Variants in SLC3A1 observed in about 807,000 individuals in gnomAD.
SLC3A1 encodes the protein amino acid transporter heavy chain SLC3A1.
In SLC3A1, 78 loss-of-function variants were observed where a neutral mutation model predicts 60.3. The ratio of observed to expected loss-of-function variants is 1.29; its 90% confidence interval spans 1.08 to 1.56. The LOEUF (loss-of-function observed/expected upper bound fraction) is 1.56. Ranked by LOEUF, SLC3A1 falls within the 40% of genes most tolerant of loss-of-function variation. The pLI, the probability that SLC3A1 is intolerant of heterozygous loss-of-function variation, is 0.00. For missense variants in SLC3A1, 1,172 were observed against 858.9 expected, an observed-to-expected ratio of 1.36 and a Z score of -4.56; for synonymous variants, 392 against 307.9, an observed-to-expected ratio of 1.27 and a Z score of -2.86.
downstream of SLC3A1, chr2:44,321,783 T>C (rs765672123): frequency 3.7e-6 from 6 of 1,613,694 alleles, no homozygotes; most frequent in Admixed American, 6.7e-5. Flanking sequence ...ACAACATGTA[T>C]CTAGTTCGGG....
intron 9 of SLC3A1, chr2:44,318,025 A>C: frequency 2.5e-6 from 1 of 392,364 alleles, no homozygotes; most frequent in South Asian, 1.8e-5. Context: ...CTTTTGACCT[A>C]ATAATTCCAT....
chr2:44,297,464 A>G lies in SLC3A1; in HGVS notation c.892-2507A>G, dbSNP rs371292896. On this transcript the variant is annotated intron_variant, in intron 4 of 9. Coordinates refer to ENST00000260649, the MANE Select transcript of SLC3A1 (RefSeq NM_000341.4). The stretch of plus-strand genomic sequence containing the variant: ...AAATCCCACCAGGTCATCTAGGTCA[A>G]GTTCAAGCTCTAGCTCTTCCTTCTC... 1.2e-4 allele frequency among the ~76,000 whole-genome samples: 18 copies of G among 152,268 alleles called. No individual in the cohort carries two copies. In the South Asian group the frequency reaches 3.7e-3, roughly 32 times the overall value.
intron 3 of SLC3A1, chr2:44,285,701 G>A (rs765535421): frequency 3.9e-6 from 2 of 515,684 alleles, no homozygotes; most frequent in Non-Finnish European, 7.8e-6. Context: ...ACAAACAAGA[G>A]TTTGGATCCT....
intron 9 of SLC3A1, 164 bp downstream of exon 9, chr2:44,314,115 C>A: frequency 1.3e-6 from 2 of 1,498,006 alleles, no homozygotes; most frequent in East Asian, 2.5e-5. Flanking sequence ...GTAAATCATG[C>A]CTTTGTGAAA....
intron 8 of SLC3A1, 165 bp downstream of exon 8, chr2:44,312,918 G>A (rs1558469200): frequency 1.6e-6 from 1 of 625,044 alleles, no homozygotes. Flanking sequence ...AGCTTTCTTG[G>A]TGGTCTGAGA....
intron 7 of SLC3A1, among the ~76,000 whole-genome samples, chr2:44,307,951 T>A (rs1351768197): frequency 6.6e-6 from 1 of 152,174 alleles, no homozygotes; most frequent in African/African-American, 2.4e-5. Flanking sequence ...TTTGCTTCAT[T>A]GGATTATCAT....
chr2:44,296,293 C>G (rs1465761721), intron 4 of SLC3A1, among the ~76,000 whole-genome samples: 1 of 152,116 alleles, frequency 6.6e-6, no homozygotes, highest in Non-Finnish European at 1.5e-5. Flanking sequence ...TGCTATTTGT[C>G]TAGCTGGAGA....
At chr2:44,312,299 TTC>T (rs1292293265) in intron 7 of SLC3A1, among the ~76,000 whole-genome samples, 4 of 152,234 alleles carry the variant, frequency 2.6e-5, no homozygotes, top group African/African-American at 9.6e-5. Context: ...CCTGTCAATA[TTC>T]TCTTATCCAA....
intron 3 of SLC3A1, 73 bp downstream of exon 3, chr2:44,281,614 C>T (rs1558453706): frequency 7.1e-7 from 1 of 1,411,936 alleles, no homozygotes; most frequent in Non-Finnish European, 1.0e-6. Context: ...TTTAGTAAAA[C>T]CCTTTTGAGG....
intron 5 of SLC3A1, among the ~76,000 whole-genome samples, chr2:44,300,386 C>T (rs1354175885): frequency 6.6e-6 from 1 of 152,154 alleles, no homozygotes; most frequent in African/African-American, 2.4e-5. Flanking sequence ...AGGACATTTA[C>T]TCCTGCAATT....
chr2:44,295,391 C>G (rs955772624), intron 4 of SLC3A1, among the ~76,000 whole-genome samples: 1 of 152,176 alleles, frequency 6.6e-6, no homozygotes, highest in African/African-American at 2.4e-5. Flanking sequence ...GACCCAGGCT[C>G]TGTGCCCATT....
intron 9 of SLC3A1, chr2:44,317,786 T>C (rs144930622): frequency 6.5e-5 from 10 of 154,648 alleles, no homozygotes; most frequent in African/African-American, 1.9e-4. Context: ...CCCTAAACAA[T>C]AGTATAACTA....
intron 7 of SLC3A1, 71 bp from the exon 8 acceptor site, chr2:44,312,515 T>C: frequency 6.5e-7 from 1 of 1,544,952 alleles, no homozygotes; most frequent in Non-Finnish European, 9.0e-7. Flanking sequence ...TTGTGAACTT[T>C]CTGTGAAATA....
chr2:44,296,783 A>T (rs1171933064), intron 4 of SLC3A1, among the ~76,000 whole-genome samples: 1 of 152,170 alleles, frequency 6.6e-6, no homozygotes, highest in Non-Finnish European at 1.5e-5. Flanking sequence ...TAATTCTCAT[A>T]ATCCCCATGT....
chr2:44,320,647 T>C lies in SLC3A1; in HGVS notation c.*8T>C. On this transcript the variant is annotated 3_prime_UTR_variant, in exon 10 of 10. Coordinates refer to ENST00000260649, the MANE Select transcript of SLC3A1 (RefSeq NM_000341.4). ...CTGTATACCTCGTGTTAGGCACCTT[T>C]ATGAAGAGATGAAGACACTGGCATT... 6.2e-7 allele frequency: 1 copy of C among 1,608,176 alleles called. No homozygotes were observed. The highest frequency in any genetic ancestry group is 8.5e-7 in the Non-Finnish European group (1 of 1,174,726).
Position 44,320,181 on chromosome 2 carries a change from A to G in SLC3A1, c.1618-18A>G. 1 of 1,592,296 alleles carries G rather than the reference A, an allele frequency of 6.3e-7. No homozygotes were observed. Among genetic ancestry groups the G allele is most frequent in the East Asian group, 2.2e-5 (1 of 44,706 alleles). The stretch of plus-strand genomic sequence containing the variant: ...CTTAGAATCAAACACTTACGTAAAT[A>G]CTTTTTTAAAAAAATAGGTCCAAAA... On this transcript the variant is annotated intron_variant, in intron 9 of 9. Transcript: ENST00000260649.
intron 3 of SLC3A1, among the ~76,000 whole-genome samples, chr2:44,282,309 G>C: frequency 6.6e-6 from 1 of 152,010 alleles, no homozygotes. Context: ...GTCCCCACCT[G>C]AACTGAGCCA....
intron 4 of SLC3A1, among the ~76,000 whole-genome samples, chr2:44,299,031 CTTTTTTT>C (rs3074475): frequency 0.023 from 2,894 of 124,386 alleles, 92 homozygotes; most frequent in East Asian, 0.095. Flanking sequence ...ATGTAGATTC[CTTTTTTT>C]TTTTTTTTTT....
chr2:44,302,594 C>G (rs895395772), intron 6 of SLC3A1, among the ~76,000 whole-genome samples: 1 of 152,226 alleles, frequency 6.6e-6, no homozygotes, highest in Admixed American at 6.5e-5. Context: ...CATAAATATG[C>G]TGCCTCAAAT....
Sources: allele counts gnomAD v4.1 joint callset (sites outside exome capture counted in the v4.1 genomes callset), GRCh38; gene constraint gnomAD v4.1.1; transcripts MANE v1.5; gene names NCBI Gene and HGNC (gene_info 2026-07-23, HGNC 2026-07-21).